The following GET4 variants were observed in gnomAD, a reference collection of about 807,000 sequenced individuals.
GET4 encodes the protein guided entry of tail-anchored proteins factor 4.
A neutral mutation model predicts 40.0 loss-of-function variants in GET4; 20 were observed. The observed-to-expected ratio is 0.50, with a 90% CI of 0.35 to 0.73. GET4 has a LOEUF of 0.73. Among genes scored for constraint, GET4 ranks in the 30% least tolerant of loss-of-function variants. The pLI, the probability that GET4 is intolerant of heterozygous loss-of-function variation, is 0.01. For synonymous variants in GET4, 280 were observed against 194.6 expected, an observed-to-expected ratio of 1.44 and a Z score of -3.65; for missense variants, 557 against 454.0, an observed-to-expected ratio of 1.23 and a Z score of -2.06.
At chr7:883,883 T>A (rs573298582) in intron 1 of GET4, 46 of 1,023,560 alleles carry the variant, frequency 4.5e-5, no homozygotes, top group Non-Finnish European at 5.3e-5. Context: ...TGGAAACGGG[T>A]GCCCCCAGCC....
chr7:889,700 G>A (rs1046572785), intron 4 of GET4, among the ~76,000 whole-genome samples: 2 of 138,916 alleles, frequency 1.4e-5, no homozygotes, highest in East Asian at 2.0e-4. Context: ...GTGTTAGGAC[G>A]GGCCTGGGAG....
rs371133897 is a variant in GET4 at position 893,760 on chromosome 7, C to A, written c.767C>A (p.Thr256Asn). ...AVDGGKLTVF[T>N]VLCEQYQPSL... ...CCCAGTGGGAAGCTGACGGTGTTCACTGTGCTGTGTGAGCAGTACCAGCCA... is the reference window on the plus strand; with the variant it reads ...CCCAGTGGGAAGCTGACGGTGTTCAATGTGCTGTGTGAGCAGTACCAGCCA... Residue 256 changes from threonine to asparagine, a missense_variant, in exon 7 of 9, where the codon ACT becomes AAT. Thr to Asn is a moderately conservative substitution (Grantham distance 65). Transcript: ENST00000265857. The A allele has an allele frequency of 8.7e-6, 14 of 1,608,872 alleles. No homozygotes were observed. In the East Asian group the frequency reaches 2.9e-4, roughly 33 times the overall value.
chr7:890,653 C>T lies in GET4; in HGVS notation c.467-275C>T, dbSNP rs1440394740. ...AACACTAATTGGTTATCACAACGAA[C>T]ATTAGTGCAGTTGGATTAAGCAGCT... On this transcript the variant is annotated intron_variant, in intron 4 of 8. Transcript: ENST00000265857. Among the ~76,000 whole-genome samples the T allele has an allele frequency of 3.9e-5, 6 of 152,098 alleles. No individual in the cohort carries two copies. The East Asian group carries it at 5.8e-4, about 15-fold the overall frequency.
intron 8 of GET4, among the ~76,000 whole-genome samples, chr7:894,346 G>C (rs985246591): frequency 2.6e-5 from 4 of 152,192 alleles, no homozygotes; most frequent in Non-Finnish European, 5.9e-5. Flanking sequence ...GTGCTGCCGT[G>C]GCTTTGGGGT....
chr7:887,606 AC>A, intron 4 of GET4, 87 bp downstream of exon 4: 1 of 1,057,350 alleles, frequency 9.5e-7, no homozygotes, highest in Non-Finnish European at 1.3e-6. Context: ...AGGGTCACCC[AC>A]CAGGGCAGAG....
chr7:892,245 G>A, intron 5 of GET4, 33 bp from the exon 6 acceptor site: 1 of 1,581,962 alleles, frequency 6.3e-7, no homozygotes, highest in African/African-American at 1.3e-5. Context: ...GTGTCCTCCA[G>A]CCCTTCCACC....
chr7:894,446 C>T (rs1274324631), intron 8 of GET4, among the ~76,000 whole-genome samples: 1 of 152,206 alleles, frequency 6.6e-6, no homozygotes, highest in South Asian at 2.1e-4. Context: ...CCAGCGTCAC[C>T]TGTCTGGGTT....
In GET4 at chr7:892,305, C is replaced by A; in HGVS notation, c.633C>A (p.Ser211Arg). The stretch of plus-strand genomic sequence containing the variant: ...TTCTCTGTTTAAAAAACAAAAGTAG[C>A]GCATCGGTGGTCTTCACGACGTACA... Reference protein sequence around the residue: ...LQFLCLKNKSSASVVFTTYTQ... With the variant: ...LQFLCLKNKSRASVVFTTYTQ... The change falls in exon 6 of 9, where the codon AGC becomes AGA. Residue 211 changes from serine to arginine, a missense_variant. Coordinates refer to ENST00000265857, the MANE Select transcript of GET4 (RefSeq NM_015949.3). The A allele has an allele frequency of 6.3e-7, 1 of 1,590,114 alleles. No homozygotes were observed. The highest frequency in any genetic ancestry group is 1.1e-5 in the South Asian group (1 of 90,566).
At chr7:895,199 A>G (rs555464671) in intron 8 of GET4, 135 bp from the exon 9 acceptor site, 2 of 537,066 alleles carry the variant, frequency 3.7e-6, no homozygotes, top group Non-Finnish European at 6.9e-6. Flanking sequence ...CCTGGGTCGT[A>G]GACAGTAGCG....
intron 5 of GET4, among the ~76,000 whole-genome samples, 174 bp from the exon 6 acceptor site, chr7:892,104 G>A (rs1173267198): frequency 1.3e-5 from 2 of 152,390 alleles, no homozygotes; most frequent in Admixed American, 6.5e-5. Context: ...AGGCTTCCCT[G>A]GTGTGCCCTG....
intron 8 of GET4, 150 bp downstream of exon 8, chr7:894,121 A>AT: frequency 1.7e-6 from 1 of 582,688 alleles, no homozygotes; most frequent in Middle Eastern, 4.5e-4. Context: ...TTAGTAGGAA[A>AT]TTATTAGATT....
At position 895,433 on chromosome 7, in the gene GET4, C is replaced by T. The variant is rs1025836008; in HGVS notation, c.*11C>T. ...ATCGAGCTGGACTGAACTGGCCAGG[C>T]CACGTGGAGACACCACGGTCGACGA... On this transcript the variant is annotated 3_prime_UTR_variant, in exon 9 of 9. Transcript: ENST00000265857. 2.1e-5 allele frequency: 31 copies of T among 1,445,698 alleles called. No individual in the cohort carries two copies. Among genetic ancestry groups the T allele is most frequent in the Non-Finnish European group, 3.0e-5 (31 of 1,032,478 alleles). The allele number at this position is 1,445,698 out of a possible 1,614,324, so 89.6% of individuals were successfully genotyped here. A position where few individuals can be genotyped will look rare whatever the true frequency, so the allele number is the denominator to read the frequency against.
chr7:895,400 G>A lies in GET4; in HGVS notation c.962G>A (p.Gly321Asp), dbSNP rs866646573. Residue 321 changes from glycine to aspartate, a missense_variant, in exon 9 of 9, where the codon GGC (glycine) becomes GAC (aspartate). By Grantham distance (94) the Gly-to-Asp change is moderately conservative. Coordinates refer to ENST00000265857, the MANE Select transcript of GET4 (RefSeq NM_015949.3). ...GATGGGGAGGAGAGCCCCAGCGACG[G>A]CAGCCCCATCGAGCTGGACTGAACT... is the stretch of plus-strand genomic sequence containing the variant. ...QEDGEESPSD[G>D]SPIELD The A allele has an allele frequency of 1.3e-6, 2 of 1,588,416 alleles. No individual in the cohort carries two copies. Among genetic ancestry groups the A allele is most frequent in the East Asian group, 2.2e-5 (1 of 44,524 alleles).
chr7:887,719 G>A (rs1028809818), intron 4 of GET4, among the ~76,000 whole-genome samples, 200 bp downstream of exon 4: 1 of 152,226 alleles, frequency 6.6e-6, no homozygotes, highest in Non-Finnish European at 1.5e-5. Flanking sequence ...TGCGAGAAGG[G>A]GGGCAGGCGG....
chr7:888,871 C>A (rs1410231556), intron 4 of GET4, among the ~76,000 whole-genome samples: 2 of 152,248 alleles, frequency 1.3e-5, no homozygotes, highest in African/African-American at 4.8e-5. Context: ...GCAGGAGCTG[C>A]CCCCACCCCC....
At chr7:885,931 G>A (rs1844177993) in intron 1 of GET4, 125 bp from the exon 2 acceptor site, 1 of 696,908 alleles carries the variant, frequency 1.4e-6, no homozygotes, top group East Asian at 2.5e-5. Context: ...GGCCCTGGGA[G>A]CGGCTGCTTT....
intron 2 of GET4, 64 bp from the exon 3 acceptor site, chr7:886,505 T>C: frequency 8.2e-7 from 1 of 1,224,780 alleles, no homozygotes; most frequent in Non-Finnish European, 1.2e-6. Flanking sequence ...CCCAGCCTTG[T>C]CTTTGCTGTC....
chr7:876,912 G>T (rs867211526), intron 1 of GET4, 112 bp downstream of exon 1: 1 of 479,230 alleles, frequency 2.1e-6, no homozygotes, highest in African/African-American at 2.1e-5. Context: ...CGTCGCGGGG[G>T]CGAGCTGGAC....
At chr7:877,113 C>T (rs567756540) in intron 1 of GET4, among the ~76,000 whole-genome samples, 59 of 151,898 alleles carry the variant, frequency 3.9e-4, no homozygotes, top group Non-Finnish European at 7.8e-4. Flanking sequence ...ACACGCCCCT[C>T]GGCCTTCCTC....
Sources: gnomAD v4.1 joint callset for allele counts (sites outside exome capture counted in the v4.1 genomes callset) on GRCh38, gnomAD v4.1.1 for gene constraint, MANE v1.5 for transcripts, NCBI Gene and HGNC (gene_info 2026-07-23, HGNC 2026-07-21) for gene names.